Variants in EFCAB6 observed in about 807,000 individuals in gnomAD.
EFCAB6 encodes the protein EF-hand calcium binding domain 6, also known as EF-hand calcium-binding domain-containing protein 6.
Under a neutral mutation model 169.8 loss-of-function variants are expected in EFCAB6, and 156 were observed. That is an observed-to-expected ratio of 0.92 (90% CI 0.81 to 1.05). The LOEUF (loss-of-function observed/expected upper bound fraction) is 1.05. Ranked by LOEUF, EFCAB6 falls within the 50% of genes least tolerant of loss-of-function variation. The probability of loss-of-function intolerance (pLI) is 0.00; values close to 1 mark genes in which losing one functional copy is unlikely to be tolerated. For synonymous variants in EFCAB6, 698 were observed against 676.4 expected (o/e 1.03, Z -0.50); for missense variants, 1,800 against 1,829.1 (o/e 0.98, Z 0.29).
In EFCAB6 at chr22:43,677,011, G is replaced by A. The variant is rs139402558; in HGVS notation, c.1419+985C>T. Among the ~76,000 whole-genome samples, 154 of 152,238 alleles carry A rather than the reference G, an allele frequency of 1.0e-3. 1 individual carries two copies. Among genetic ancestry groups the A allele is most frequent in the African/African-American group, 3.5e-3 (146 of 41,508 alleles). On this transcript the variant is annotated intron_variant, in intron 13 of 31. Coordinates refer to ENST00000262726, the MANE Select transcript of EFCAB6 (RefSeq NM_022785.4). ...TACTGGTTTGATTTTGATTCATAGG[G>A]ATGCCAACGTCATAAATCTAAAATT...
chr22:43,573,741 A>C (rs1438992622), intron 26 of EFCAB6, among the ~76,000 whole-genome samples: 2 of 151,770 alleles, frequency 1.3e-5, no homozygotes, highest in Non-Finnish European at 2.9e-5. Flanking sequence ...ACAAAAAAAA[A>C]AAAAAAAAAA....
chr22:43,718,638 C>A (rs1339797689), intron 8 of EFCAB6, among the ~76,000 whole-genome samples: 1 of 152,100 alleles, frequency 6.6e-6, no homozygotes, highest in East Asian at 1.9e-4. Context: ...CAAAAATGAG[C>A]CGGTCATTGC....
intron 10 of EFCAB6, among the ~76,000 whole-genome samples, chr22:43,694,069 C>T (rs1194503322): frequency 1.3e-5 from 2 of 151,770 alleles, no homozygotes; most frequent in Non-Finnish European, 2.9e-5. Flanking sequence ...GAGTGAGTGA[C>T]TTAAATATTG....
intron 30 of EFCAB6, among the ~76,000 whole-genome samples, chr22:43,532,433 C>G (rs989939318): frequency 6.6e-6 from 1 of 152,264 alleles, no homozygotes; most frequent in Non-Finnish European, 1.5e-5. Flanking sequence ...AACTGAGGCC[C>G]AGGGAGGCGG....
rs191987679 is a variant in EFCAB6, at chr22:43,636,901, C to T, written c.1984-1685G>A. 3.3e-5 allele frequency among the ~76,000 whole-genome samples: 5 copies of T among 152,252 alleles called. No individual in the cohort carries two copies. In the East Asian group the frequency reaches 9.7e-4, roughly 29 times the overall value. ...CTGAGACATGAGCCACCACGCCCGTCCTCAAACCTCATTCTTCTTATTAAC... is the reference window on the plus strand; with the variant it reads ...CTGAGACATGAGCCACCACGCCCGTTCTCAAACCTCATTCTTCTTATTAAC... On this transcript the variant is annotated intron_variant, in intron 17 of 31. Coordinates refer to ENST00000262726, the MANE Select transcript of EFCAB6 (RefSeq NM_022785.4).
intron 26 of EFCAB6, among the ~76,000 whole-genome samples, chr22:43,574,226 A>G (rs1393541264): frequency 6.6e-6 from 1 of 152,160 alleles, no homozygotes; most frequent in Admixed American, 6.5e-5. Context: ...TTTAAGTGAC[A>G]GGGTACAATT....
chr22:43,535,005 G>T (rs552273929), intron 29 of EFCAB6, 133 bp from the exon 30 acceptor site: 2 of 908,308 alleles, frequency 2.2e-6, no homozygotes, highest in African/African-American at 1.7e-5. Flanking sequence ...AAGAACTCAC[G>T]GTTGGTGGCT....
chr22:43,719,094 AT>A (rs1356049972), intron 8 of EFCAB6, among the ~76,000 whole-genome samples: 3 of 152,082 alleles, frequency 2.0e-5, no homozygotes, highest in Non-Finnish European at 2.9e-5. Flanking sequence ...TGGAGAAGGG[AT>A]TAGGGTGTGA....
At chr22:43,730,662 A>G (rs948869440) in intron 8 of EFCAB6, among the ~76,000 whole-genome samples, 2 of 152,142 alleles carry the variant, frequency 1.3e-5, no homozygotes, top group Admixed American at 1.3e-4. Context: ...AACCCTGTGG[A>G]CAGTGGTTAT....
intron 7 of EFCAB6, among the ~76,000 whole-genome samples, chr22:43,733,561 G>T (rs1006030985): frequency 6.6e-6 from 1 of 152,150 alleles, no homozygotes; most frequent in African/African-American, 2.4e-5. Flanking sequence ...AATGGAACAG[G>T]TCATCAGAGG....
intron 18 of EFCAB6, among the ~76,000 whole-genome samples, chr22:43,633,168 C>G (rs1311121430): frequency 1.3e-5 from 2 of 152,208 alleles, no homozygotes; most frequent in Non-Finnish European, 2.9e-5. Flanking sequence ...TGAATCCAGG[C>G]TGTCTGATAC....
In EFCAB6 at chr22:43,795,957, C is replaced by T. The variant is rs1215365727; in HGVS notation, c.-8+13038G>A. Among the ~76,000 whole-genome samples the T allele has an allele frequency of 1.3e-5, 2 of 149,034 alleles. No homozygotes were observed. Among genetic ancestry groups the T allele is most frequent in the African/African-American group, 4.9e-5 (2 of 40,436 alleles). ...TCACACACGTACCACACACAACTCA[C>T]CCCCCACAGAAACACACACACCACA... On this transcript the variant is annotated intron_variant, in intron 2 of 31. Transcript: ENST00000262726. The surrounding 1 kb of genome is among the most constrained non-coding windows in gnomAD (Gnocchi z 4.2).
At chr22:43,692,362 G>A (rs1192555200) in intron 10 of EFCAB6, among the ~76,000 whole-genome samples, 1 of 151,964 alleles carries the variant, frequency 6.6e-6, no homozygotes, top group Non-Finnish European at 1.5e-5. Context: ...TAGCACATAA[G>A]AACAACCAGA....
At chr22:43,796,044 C>T (rs1400138354) in intron 2 of EFCAB6, among the ~76,000 whole-genome samples, 4 of 151,468 alleles carry the variant, frequency 2.6e-5, no homozygotes, top group Non-Finnish European at 5.9e-5. Context: ...CAGACACACA[C>T]ACCACACACA....
At chr22:43,554,560 A>C (rs966954178) in intron 27 of EFCAB6, 9 of 365,760 alleles carry the variant, frequency 2.5e-5, no homozygotes. Flanking sequence ...TGCCCATGAC[A>C]GACCCAGACC....
chr22:43,771,159 G>T (rs955574027), intron 4 of EFCAB6, among the ~76,000 whole-genome samples: 1 of 152,142 alleles, frequency 6.6e-6, no homozygotes, highest in Non-Finnish European at 1.5e-5. Flanking sequence ...GGCCAGGCAC[G>T]GTGGCTCACC....
intron 23 of EFCAB6, among the ~76,000 whole-genome samples, chr22:43,597,620 T>C (rs2052117351): frequency 6.6e-6 from 1 of 152,100 alleles, no homozygotes; most frequent in South Asian, 2.1e-4. Flanking sequence ...GCAGAGAAGG[T>C]GGAACACTCA....
chr22:43,612,826 G>A (rs186432889), intron 21 of EFCAB6, among the ~76,000 whole-genome samples: 170 of 151,838 alleles, frequency 1.1e-3, no homozygotes, highest in Non-Finnish European at 1.8e-3. Context: ...CCTGGGCGGC[G>A]GAGGTTGCAG....
At chr22:43,754,850 G>A (rs559522410) in intron 6 of EFCAB6, among the ~76,000 whole-genome samples, 2 of 152,158 alleles carry the variant, frequency 1.3e-5, no homozygotes, top group African/African-American at 4.8e-5. Context: ...AATATCAATT[G>A]CACGACAAAA....
Sources: allele counts gnomAD v4.1 joint callset (sites outside exome capture counted in the v4.1 genomes callset), GRCh38; gene constraint gnomAD v4.1.1; non-coding constraint Gnocchi (gnomAD v3.1); transcripts MANE v1.5; gene names NCBI Gene and HGNC (gene_info 2026-07-23, HGNC 2026-07-21).